The following CACNA2D3 variants were observed in gnomAD, a reference collection of about 807,000 sequenced individuals.
The protein encoded by CACNA2D3 is voltage-dependent calcium channel subunit alpha-2/delta-3.
A neutral mutation model predicts 160.6 loss-of-function variants in CACNA2D3; 60 were observed. That is an observed-to-expected ratio of 0.37 (90% CI 0.30 to 0.46). The LOEUF (loss-of-function observed/expected upper bound fraction) is 0.46. Among genes scored for constraint, CACNA2D3 ranks in the 20% least tolerant of loss-of-function variants. The probability of loss-of-function intolerance (pLI) is 1.00; values close to 1 mark genes in which losing one functional copy is unlikely to be tolerated. For synonymous variants in CACNA2D3, 558 were observed against 492.9 expected (o/e 1.13, Z -1.75); for missense variants, 1,205 against 1,365.0 (o/e 0.88, Z 1.85).
intron 29 of CACNA2D3, among the ~76,000 whole-genome samples, chr3:54,984,177 T>C (rs1247502277): frequency 6.6e-6 from 1 of 152,158 alleles, no homozygotes; most frequent in Admixed American, 6.5e-5. Flanking sequence ...TTTTCATTAA[T>C]ACATCATTAG....
chr3:54,738,478 CTT>C (rs1272725715), intron 11 of CACNA2D3, among the ~76,000 whole-genome samples: 2 of 152,196 alleles, frequency 1.3e-5, no homozygotes, highest in Non-Finnish European at 2.9e-5. Flanking sequence ...TTTCTCCTCT[CTT>C]GATTCCCATG....
At chr3:54,310,472 A>G (rs951630237) in intron 2 of CACNA2D3, among the ~76,000 whole-genome samples, 27 of 152,150 alleles carry the variant, frequency 1.8e-4, no homozygotes, top group African/African-American at 6.3e-4. Context: ...TAACATATCT[A>G]AAAATTGTCT....
At chr3:54,249,511 C>T (rs891094772) in intron 2 of CACNA2D3, among the ~76,000 whole-genome samples, 17 of 149,390 alleles carry the variant, frequency 1.1e-4, no homozygotes, top group Non-Finnish European at 2.1e-4. Flanking sequence ...TTGCCAGTCT[C>T]GGTAATTGTG....
At chr3:54,218,307 G>C (rs1280325141) in intron 2 of CACNA2D3, among the ~76,000 whole-genome samples, 1 of 152,210 alleles carries the variant, frequency 6.6e-6, no homozygotes, top group African/African-American at 2.4e-5. Context: ...ACTGGCACAT[G>C]CATGGGGCAG....
At chr3:54,164,007 A>G (rs1239721106) in intron 2 of CACNA2D3, among the ~76,000 whole-genome samples, 2 of 152,196 alleles carry the variant, frequency 1.3e-5, no homozygotes. Flanking sequence ...ACCTAATGCA[A>G]CCAGGAAGGT....
At chr3:54,943,729 T>C (rs1701537428) in intron 27 of CACNA2D3, among the ~76,000 whole-genome samples, 1 of 152,174 alleles carries the variant, frequency 6.6e-6, no homozygotes, top group South Asian at 2.1e-4. Flanking sequence ...TATTTCATCT[T>C]GCTTTGGTGA....
chr3:54,951,130 G>GT (rs139062425), intron 27 of CACNA2D3, among the ~76,000 whole-genome samples: 2,892 of 152,292 alleles, frequency 0.019, 69 homozygotes, highest in African/African-American at 0.063. Context: ...GTTGAGAGTT[G>GT]TTTATAATAG....
rs142967625 is a variant in CACNA2D3, at chr3:54,175,574, C to G, written c.204+51980C>G. On this transcript the variant is annotated intron_variant, in intron 2 of 37. Coordinates refer to ENST00000474759, the MANE Select transcript of CACNA2D3 (RefSeq NM_018398.3). ...CTTGCAGTGAGCTGAGGTTGCGACA[C>G]TGCACTCCAGCCTGGGGTGACAAAG... 5.9e-3 allele frequency among the ~76,000 whole-genome samples: 821 copies of G among 139,998 alleles called. 4 individuals are homozygous for G. Among genetic ancestry groups the G allele is most frequent in the African/African-American group, 0.02 (724 of 36,538 alleles). 91.8% of individuals were successfully genotyped at this position (139,998 alleles called of 152,430 possible).
chr3:54,376,393 T>C (rs992115213), intron 3 of CACNA2D3, among the ~76,000 whole-genome samples: 1 of 152,242 alleles, frequency 6.6e-6, no homozygotes, highest in Non-Finnish European at 1.5e-5. Flanking sequence ...TTCATAGTGC[T>C]ATAACCTCTC....
chr3:54,293,658 T>G (rs1703263308), intron 2 of CACNA2D3, among the ~76,000 whole-genome samples: 1 of 152,022 alleles, frequency 6.6e-6, no homozygotes, highest in African/African-American at 2.4e-5. Context: ...CACCCACAGA[T>G]GAATCGCGAA....
intron 2 of CACNA2D3, among the ~76,000 whole-genome samples, chr3:54,278,900 G>T (rs948082238): frequency 6.6e-6 from 1 of 152,126 alleles, no homozygotes; most frequent in Admixed American, 6.5e-5. Context: ...GGGTTGATGG[G>T]TGCAGTGAAC....
chr3:54,920,754 C>G (rs928628963), intron 27 of CACNA2D3, among the ~76,000 whole-genome samples: 1 of 152,176 alleles, frequency 6.6e-6, no homozygotes, highest in Admixed American at 6.5e-5. Flanking sequence ...AGACTTCTAT[C>G]AGGGGAAGCA....
chr3:54,174,363 G>A (rs1334226404), intron 2 of CACNA2D3, among the ~76,000 whole-genome samples: 1 of 152,196 alleles, frequency 6.6e-6, no homozygotes, highest in African/African-American at 2.4e-5. Context: ...GCCTTTGCTA[G>A]GTGAGGGGAG....
intron 17 of CACNA2D3, among the ~76,000 whole-genome samples, chr3:54,862,469 C>T (rs1356625255): frequency 2.0e-5 from 3 of 152,198 alleles, no homozygotes; most frequent in African/African-American, 7.2e-5. Flanking sequence ...GATGCTATTA[C>T]AGGCATAAAT....
At chr3:54,828,992 T>C (rs1012225647) in intron 14 of CACNA2D3, among the ~76,000 whole-genome samples, 1 of 152,236 alleles carries the variant, frequency 6.6e-6, no homozygotes, top group Non-Finnish European at 1.5e-5. Context: ...TTGTTTCTTA[T>C]TCTAATTGTA....
intron 34 of CACNA2D3, among the ~76,000 whole-genome samples, chr3:55,009,996 G>T (rs964041600): frequency 3.9e-5 from 6 of 152,106 alleles, no homozygotes; most frequent in African/African-American, 1.4e-4. Flanking sequence ...TGTCTCCAAG[G>T]CTCAGTTTCC....
At chr3:54,931,486 G>A (rs756968220) in intron 27 of CACNA2D3, among the ~76,000 whole-genome samples, 1 of 152,136 alleles carries the variant, frequency 6.6e-6, no homozygotes, top group Non-Finnish European at 1.5e-5. Flanking sequence ...GCAGATCCAA[G>A]AGGTGGCAAG....
chr3:54,738,950 G>A (rs1006005577), intron 11 of CACNA2D3, among the ~76,000 whole-genome samples: 3 of 152,132 alleles, frequency 2.0e-5, no homozygotes, highest in African/African-American at 7.2e-5. Context: ...TTTAAGACCA[G>A]CCTAGGCAAT....
chr3:54,658,970 C>T (rs926460932), intron 11 of CACNA2D3, among the ~76,000 whole-genome samples: 1 of 152,072 alleles, frequency 6.6e-6, no homozygotes, highest in Admixed American at 6.6e-5. Context: ...GCTTCCTGTT[C>T]CCTCTCTCTG....
Sources: gnomAD v4.1 joint callset for allele counts (sites outside exome capture counted in the v4.1 genomes callset) on GRCh38, gnomAD v4.1.1 for gene constraint, MANE v1.5 for transcripts, NCBI Gene and HGNC (gene_info 2026-07-23, HGNC 2026-07-21) for gene names.